Variants in ABHD17C observed in about 807,000 individuals in gnomAD.
ABHD17C encodes alpha/beta hydrolase domain-containing protein 17C.
A neutral mutation model predicts 27.9 loss-of-function variants in ABHD17C; 11 were observed. The observed-to-expected ratio is 0.39, with a 90% confidence interval of 0.25 to 0.65. ABHD17C has a LOEUF of 0.65. ABHD17C is among the 30% of genes least tolerant of loss of function. The pLI, the probability that ABHD17C is intolerant of heterozygous loss-of-function variation, is 0.45. For synonymous variants in ABHD17C, 233 were observed against 209.1 expected (o/e 1.11, Z -0.98); for missense variants, 280 against 470.2 (o/e 0.60, Z 3.74).
chr15:80,734,860 T>C (rs1895107714), intron 1 of ABHD17C, among the ~76,000 whole-genome samples: 1 of 152,212 alleles, frequency 6.6e-6, no homozygotes, highest in Non-Finnish European at 1.5e-5. Context: ...TGTCTTGATA[T>C]GTATTGAAAT....
chr15:80,727,544 C>T lies in ABHD17C; in HGVS notation c.591-21969C>T, dbSNP rs554173535. Among the ~76,000 whole-genome samples the T allele has an allele frequency of 9.9e-4, 150 of 152,206 alleles. 2 individuals carry two copies. The highest frequency in any genetic ancestry group is 3.3e-3 in the East Asian group (17 of 5,182). On this transcript the variant is annotated intron_variant, in intron 1 of 2. Coordinates refer to ENST00000258884, the MANE Select transcript of ABHD17C (RefSeq NM_021214.2). ...TTCAAATTAGAATATAATCAGTCTCCAGAAATAAAGACAATTTCCTAGAGG... is the reference window on the plus strand; with the variant it reads ...TTCAAATTAGAATATAATCAGTCTCTAGAAATAAAGACAATTTCCTAGAGG...
At chr15:80,697,626 C>CT (rs35478204) in intron 1 of ABHD17C, among the ~76,000 whole-genome samples, 16,310 of 145,810 alleles carry the variant, frequency 0.11, 882 homozygotes, top group East Asian at 0.14. Context: ...TTCCTGGAAA[C>CT]TTTTTTTTTT....
chr15:80,717,074 A>G (rs1894812917), intron 1 of ABHD17C, among the ~76,000 whole-genome samples: 1 of 152,220 alleles, frequency 6.6e-6, no homozygotes, highest in Admixed American at 6.5e-5. Context: ...GTTATAGGGA[A>G]GATTCCATTC....
chr15:80,753,093 G>A (rs1055559505), intron 2 of ABHD17C, among the ~76,000 whole-genome samples: 8 of 152,116 alleles, frequency 5.3e-5, no homozygotes, highest in Non-Finnish European at 7.4e-5. Flanking sequence ...GAATTCTGAA[G>A]ACTTGAGTGG....
chr15:80,742,714 T>C (rs899780769), intron 1 of ABHD17C, among the ~76,000 whole-genome samples: 1 of 151,988 alleles, frequency 6.6e-6, no homozygotes, highest in Admixed American at 6.6e-5. Flanking sequence ...AGAGAAAATA[T>C]AAGAGTGTGA....
At chr15:80,716,382 C>CA (rs139313306) in intron 1 of ABHD17C, among the ~76,000 whole-genome samples, 4,304 of 152,274 alleles carry the variant, frequency 0.028, 178 homozygotes, top group East Asian at 0.11. Context: ...CCGCGTAAGA[C>CA]AAGGCCTGTG....
At position 80,751,321 on chromosome 15, in the gene ABHD17C, C is replaced by T. The variant is rs1404670871; in HGVS notation, c.770+1629C>T. Among the ~76,000 whole-genome samples the T allele has an allele frequency of 5.9e-5, 9 of 152,008 alleles. No individual in the cohort carries two copies. The South Asian group carries it at 1.7e-3, about 28-fold the overall frequency. On this transcript the variant is annotated intron_variant, in intron 2 of 2. Transcript: ENST00000258884. The stretch of plus-strand genomic sequence containing the variant: ...GTTGCAGTGAGCCGAGATCGCACCA[C>T]TTCACTCCAGCCTAGGTGACAGAGC...
chr15:80,754,415 C>G lies in ABHD17C; in HGVS notation c.*45C>G. ...CCTCATTTACTGTGAACAGAAGAGT[C>G]CTCTGTTTTGCACATGCTTTAACTG... On this transcript the variant is annotated 3_prime_UTR_variant, in exon 3 of 3. Coordinates refer to ENST00000258884, the MANE Select transcript of ABHD17C (RefSeq NM_021214.2). 1 of 1,528,230 alleles carries G rather than the reference C, an allele frequency of 6.5e-7. No homozygotes were observed. Among genetic ancestry groups the G allele is most frequent in the South Asian group, 1.2e-5 (1 of 84,292 alleles). 94.7% of individuals were successfully genotyped at this position (1,528,230 alleles called of 1,614,324 possible).
intron 1 of ABHD17C, among the ~76,000 whole-genome samples, chr15:80,742,417 C>T (rs1567038319): frequency 6.6e-6 from 1 of 152,120 alleles, no homozygotes; most frequent in Non-Finnish European, 1.5e-5. Context: ...GTTCCAGTGT[C>T]CAAGGGCAGG....
rs561787005 is a variant in ABHD17C, at chr15:80,708,290, A to G, written c.590+12271A>G. On this transcript the variant is annotated intron_variant, in intron 1 of 2. Transcript: ENST00000258884. ...TTCTCCCCACCTCACATTCTTCTCT[A>G]TTTTTTTGTTTTGTTTTGTTTTGTT... Among the ~76,000 whole-genome samples, 313 of 151,178 alleles carry G rather than the reference A, an allele frequency of 2.1e-3. 1 individual carries two copies. Among genetic ancestry groups the G allele is most frequent in the Non-Finnish European group, 3.7e-3 (250 of 67,758 alleles).
intron 1 of ABHD17C, among the ~76,000 whole-genome samples, chr15:80,713,594 G>A (rs2141497400): frequency 6.6e-6 from 1 of 151,932 alleles, no homozygotes; most frequent in Admixed American, 6.6e-5. Context: ...TGGATCACAA[G>A]GTCAGCAGTT....
At chr15:80,737,711 C>T (rs924265207) in intron 1 of ABHD17C, among the ~76,000 whole-genome samples, 10 of 151,982 alleles carry the variant, frequency 6.6e-5, no homozygotes, top group Admixed American at 2.6e-4. Flanking sequence ...TGTGAAAGGA[C>T]GAGGTAGGAC....
chr15:80,745,446 T>C (rs955483047), intron 1 of ABHD17C, among the ~76,000 whole-genome samples: 2 of 152,004 alleles, frequency 1.3e-5, no homozygotes, highest in Admixed American at 1.3e-4. Context: ...ATGAACACTG[T>C]TCACCTCGAC....
chr15:80,740,616 T>C (rs1376763608), intron 1 of ABHD17C, among the ~76,000 whole-genome samples: 2 of 151,984 alleles, frequency 1.3e-5, no homozygotes, highest in Non-Finnish European at 2.9e-5. Context: ...CTGGAAGAAA[T>C]GTGAGGGGGT....
chr15:80,695,376 G>GGGCCAGCC lies in ABHD17C; in HGVS notation c.-53_-46dup, dbSNP rs1425792165. Reference sequence around the variant, plus strand: ...CCGCGCGTCCGTCCTCCGTCCTCCCGGGCCAGCCAGCCAGCCAGCCAGCCG... The same window carrying GGGCCAGCC: ...CCGCGCGTCCGTCCTCCGTCCTCCCGGGCCAGCCGGCCAGCCAGCCAGCCAGCCAGCCG... On this transcript the variant is annotated 5_prime_UTR_variant, in exon 1 of 3. Transcript: ENST00000258884. This position sits in a 1 kb window ranked among gnomAD's most constrained non-coding sequence, Gnocchi z 4.3. The GGGCCAGCC allele has an allele frequency of 2.6e-6, 3 of 1,136,160 alleles. No individual in the cohort carries two copies. Among genetic ancestry groups the GGGCCAGCC allele is most frequent in the East Asian group, 9.1e-5 (2 of 21,986 alleles). The allele number at this position is 1,136,160 out of a possible 1,614,324, so 70.4% of individuals were successfully genotyped here. A position where few individuals can be genotyped will look rare whatever the true frequency, so the allele number is the denominator to read the frequency against.
chr15:80,725,398 G>A (rs1295467039), intron 1 of ABHD17C, among the ~76,000 whole-genome samples: 2 of 152,204 alleles, frequency 1.3e-5, no homozygotes, highest in South Asian at 2.1e-4. Flanking sequence ...CTTTAAGCTC[G>A]AATTTTACAT....
intron 1 of ABHD17C, among the ~76,000 whole-genome samples, chr15:80,710,108 G>C (rs1596061292): frequency 6.6e-6 from 1 of 152,190 alleles, no homozygotes; most frequent in African/African-American, 2.4e-5. Flanking sequence ...ATTAGGGTAT[G>C]CTTCATTCAG....
chr15:80,723,136 A>ATGTGTG (rs1323977699), intron 1 of ABHD17C, among the ~76,000 whole-genome samples: 20 of 92,514 alleles, frequency 2.2e-4, no homozygotes, highest in African/African-American at 3.8e-4. Context: ...GTGTGTGTAT[A>ATGTGTG]TATGTGTGTG....
intron 1 of ABHD17C, among the ~76,000 whole-genome samples, chr15:80,717,803 C>A (rs550880310): frequency 2.0e-5 from 3 of 152,260 alleles, no homozygotes; most frequent in Non-Finnish European, 4.4e-5. Context: ...GGAAGCCGAA[C>A]CTTCTCCCCT....
Sources: allele counts gnomAD v4.1 joint callset (sites outside exome capture counted in the v4.1 genomes callset), GRCh38; gene constraint gnomAD v4.1.1; non-coding constraint Gnocchi (gnomAD v3.1); transcripts MANE v1.5; gene names NCBI Gene and HGNC (gene_info 2026-07-23, HGNC 2026-07-21).